CCNH: variants seen among roughly 807,000 people sequenced by gnomAD.
The protein encoded by CCNH is cyclin H, also known as cyclin-H.
CCNH carries 31 observed loss-of-function variants against 41.9 expected under a neutral mutation model. That is an observed-to-expected ratio of 0.74 (90% CI 0.56 to 1.00). The LOEUF (loss-of-function observed/expected upper bound fraction) is 1.00. CCNH is among the 50% of genes least tolerant of loss of function. The pLI is 0.00. For missense variants in CCNH, 362 were observed against 388.4 expected (o/e 0.93, Z 0.57); for synonymous variants, 138 against 136.1 (o/e 1.01, Z -0.10).
intron 7 of CCNH, among the ~76,000 whole-genome samples, chr5:87,396,496 G>T (rs1171222378): frequency 6.6e-6 from 1 of 152,108 alleles, no homozygotes; most frequent in East Asian, 1.9e-4. Context: ...ATGTTGGCAT[G>T]CACCTGTCGT....
chr5:87,313,710 C>G (rs988938431), downstream of CCNH, among the ~76,000 whole-genome samples: 12 of 152,192 alleles, frequency 7.9e-5, no homozygotes, highest in African/African-American at 2.9e-4. Context: ...CAAAAAAAGT[C>G]TAAGAAATCA....
In CCNH at chr5:87,399,517, C is replaced by CA. The variant is rs754256775; in HGVS notation, c.761-13dup. ...TAAGTTTCTCATGCCTATGTGGATA[C>CA]AAAAAAAGAATTTAAACTGAATAAG... On this transcript the variant is annotated splice_polypyrimidine_tract_variant and intron_variant, in intron 6 of 8. Coordinates refer to ENST00000256897, the MANE Select transcript of CCNH (RefSeq NM_001239.4). 4 of 1,559,794 alleles carry CA rather than the reference C, an allele frequency of 2.6e-6. No individual in the cohort carries two copies. The highest frequency in any genetic ancestry group is 3.4e-5 in the Admixed American group (2 of 59,102).
At chr5:87,331,567 C>T in intron 9 of CCNH, 3 of 1,531,034 alleles carry the variant, frequency 2.0e-6, no homozygotes, top group Middle Eastern at 2.1e-4. Flanking sequence ...CATAAATATA[C>T]CTGTATAATA....
chr5:87,392,084 A>ATAAT (rs1405113113), downstream of CCNH: 3 of 332,824 alleles, frequency 9.0e-6, no homozygotes, highest in Non-Finnish European at 1.8e-5. Flanking sequence ...TATAAATGCA[A>ATAAT]TAATTCCTTC....
intron 9 of CCNH, among the ~76,000 whole-genome samples, chr5:87,355,370 T>C (rs1277484389): frequency 6.6e-6 from 1 of 152,206 alleles, no homozygotes; most frequent in Admixed American, 6.5e-5. Context: ...ATCAGAATTA[T>C]GCCAAATCTA....
downstream of CCNH, among the ~76,000 whole-genome samples, chr5:87,315,308 A>G (rs778463386): frequency 9.2e-5 from 14 of 152,222 alleles, no homozygotes; most frequent in Non-Finnish European, 1.9e-4. Context: ...TTCTAGCTAC[A>G]TAATAACAAA....
intron 9 of CCNH, among the ~76,000 whole-genome samples, chr5:87,349,559 T>A (rs571031020): frequency 2.6e-5 from 4 of 151,954 alleles, no homozygotes; most frequent in African/African-American, 7.2e-5. Context: ...TAGTAACTTA[T>A]ACTTTGTTTC....
chr5:87,338,526 TATATATAAA>T (rs1478391082), intron 9 of CCNH, among the ~76,000 whole-genome samples: 9 of 100,888 alleles, frequency 8.9e-5, no homozygotes, highest in East Asian at 3.2e-4. Flanking sequence ...TATATATATA[TATATATAAA>T]ATTTTTTTTT....
chr5:87,336,429 A>T (rs1757974715), intron 9 of CCNH, among the ~76,000 whole-genome samples: 1 of 152,096 alleles, frequency 6.6e-6, no homozygotes, highest in Non-Finnish European at 1.5e-5. Context: ...TGATGATATA[A>T]ATTTGGATTT....
intron 9 of CCNH, among the ~76,000 whole-genome samples, chr5:87,323,697 T>C (rs746239338): frequency 2.0e-5 from 3 of 152,186 alleles, no homozygotes; most frequent in Non-Finnish European, 2.9e-5. Flanking sequence ...TATGGCTATA[T>C]ATCTTTTGAT....
chr5:87,338,523 A>T (rs1317538734), intron 9 of CCNH, among the ~76,000 whole-genome samples: 43 of 99,178 alleles, frequency 4.3e-4, no homozygotes, highest in African/African-American at 1.4e-3. Context: ...ATATATATAT[A>T]TATATATATA....
chr5:87,338,208 G>T, intron 9 of CCNH: 1 of 1,495,464 alleles, frequency 6.7e-7, no homozygotes, highest in Non-Finnish European at 9.1e-7. Context: ...GAACTTAATT[G>T]ATAAGTACAA....
At chr5:87,374,405 C>A, downstream of CCNH, 1 of 1,200,930 alleles carries the variant, frequency 8.3e-7, no homozygotes, top group Non-Finnish European at 1.2e-6. Context: ...GTATCTAAAC[C>A]ATCAGAACAA....
intron 9 of CCNH, among the ~76,000 whole-genome samples, chr5:87,327,354 A>G (rs1305088806): frequency 6.6e-6 from 1 of 152,034 alleles, no homozygotes; most frequent in Non-Finnish European, 1.5e-5. Flanking sequence ...TCATTTTTGT[A>G]TTTTTCTTTA....
chr5:87,411,444 C>G (rs1248764012), intron 1 of CCNH, 98 bp from the exon 2 acceptor site: 5 of 1,180,622 alleles, frequency 4.2e-6, no homozygotes, highest in Non-Finnish European at 5.8e-6. Flanking sequence ...GTTTATATAT[C>G]CAACGAAGGG....
chr5:87,376,497 C>T lies in CCNH; in HGVS notation n.684G>A, dbSNP rs758290164. On this transcript the variant is annotated non_coding_transcript_exon_variant, in exon 1 of 1. Transcript: ENST00000607486. ...ATTAAAAGGTATTGAACCAGGGTCCCTGCGTGTTCGAGCACGATACTCTAT... is the reference window on the plus strand; with the variant it reads ...ATTAAAAGGTATTGAACCAGGGTCCTTGCGTGTTCGAGCACGATACTCTAT... The T allele has an allele frequency of 3.1e-6, 5 of 1,613,910 alleles. No individual in the cohort carries two copies. In the African/African-American group the frequency reaches 6.7e-5, roughly 22 times the overall value.
intron 4 of CCNH, 118 bp from the exon 5 acceptor site, chr5:87,405,125 T>C: frequency 1.4e-6 from 1 of 697,950 alleles, no homozygotes; most frequent in Admixed American, 2.7e-5. Context: ...CTAAAGTTCC[T>C]AGCACAGTAA....
At chr5:87,340,469 T>A (rs1758354333) in intron 9 of CCNH, among the ~76,000 whole-genome samples, 1 of 152,012 alleles carries the variant, frequency 6.6e-6, no homozygotes, top group Admixed American at 6.6e-5. Flanking sequence ...TCAGTGAGTG[T>A]TTGATTTTAG....
At chr5:87,364,301 A>T (rs544077676) in intron 9 of CCNH, among the ~76,000 whole-genome samples, 1 of 152,136 alleles carries the variant, frequency 6.6e-6, no homozygotes, top group African/African-American at 2.4e-5. Context: ...TAGCCTTGTC[A>T]TTTCTTTTTT....
Sources: gnomAD v4.1 joint callset for allele counts (sites outside exome capture counted in the v4.1 genomes callset) on GRCh38, gnomAD v4.1.1 for gene constraint, MANE v1.5 for transcripts, NCBI Gene and HGNC (gene_info 2026-07-23, HGNC 2026-07-21) for gene names.